IL34: variants seen among roughly 807,000 people sequenced by gnomAD.
IL34 encodes interleukin 34, also known as interleukin-34.
A neutral mutation model predicts 25.3 loss-of-function variants in IL34; 17 were observed. That is an observed-to-expected ratio of 0.67 (90% CI 0.46 to 1.01). IL34 has a LOEUF of 1.01. IL34 is among the 50% of genes least tolerant of loss of function. The pLI is 0.00. For missense variants in IL34, 368 were observed against 312.9 expected (o/e 1.18, Z -1.33); for synonymous variants, 174 against 140.9 (o/e 1.23, Z -1.66).
At chr16:70,622,604 G>A (rs982383304) in intron 1 of IL34, among the ~76,000 whole-genome samples, 1 of 151,970 alleles carries the variant, frequency 6.6e-6, no homozygotes, top group Admixed American at 6.6e-5. Flanking sequence ...TTGGGGAAAT[G>A]GGGTTAATGT....
At chr16:70,580,795 AAT>A (rs1212862125) in intron 1 of IL34, among the ~76,000 whole-genome samples, 1 of 152,090 alleles carries the variant, frequency 6.6e-6, no homozygotes, top group African/African-American at 2.4e-5. Flanking sequence ...AAAAAAAAAA[AAT>A]TAATTGATTT....
At chr16:70,598,658 G>A (rs2050860349) in intron 1 of IL34, among the ~76,000 whole-genome samples, 3 of 152,130 alleles carry the variant, frequency 2.0e-5, no homozygotes, top group South Asian at 4.1e-4. Flanking sequence ...AGAATCGCTT[G>A]AACCCAGGAC....
intron 1 of IL34, among the ~76,000 whole-genome samples, chr16:70,617,206 A>C (rs2051186505): frequency 6.6e-6 from 1 of 152,160 alleles, no homozygotes; most frequent in Non-Finnish European, 1.5e-5. Flanking sequence ...GGAATAAGAG[A>C]AGGAGAAAAA....
rs1195224912 is a variant in IL34 at position 70,594,935 on chromosome 16, A to ATC, written c.-401+14906_-401+14907dup. 1.8e-3 allele frequency among the ~76,000 whole-genome samples: 262 copies of ATC among 145,282 alleles called. 4 individuals carry two copies. Among genetic ancestry groups the ATC allele is most frequent in the Middle Eastern group, 7.4e-3 (2 of 272 alleles). ...TTTCCAGGTGGCTGCATTTCAATTT[A>ATC]TCTCTCTCTCTCTCTCTCTCTTTTT... On this transcript the variant is annotated intron_variant, in intron 1 of 6. Transcript: ENST00000429149.
intron 1 of IL34, among the ~76,000 whole-genome samples, chr16:70,636,143 A>G (rs901277094): frequency 2.1e-4 from 32 of 151,832 alleles, no homozygotes; most frequent in African/African-American, 7.5e-4. Flanking sequence ...GGTTCAAGTA[A>G]TTCTCTTGCC....
intron 1 of IL34, among the ~76,000 whole-genome samples, chr16:70,634,010 C>G (rs1037534976): frequency 6.6e-6 from 1 of 152,028 alleles, no homozygotes; most frequent in Non-Finnish European, 1.5e-5. Context: ...ACCACCACGC[C>G]CAGCTAATTT....
At chr16:70,637,310 G>A (rs1208007752) in intron 1 of IL34, among the ~76,000 whole-genome samples, 1 of 152,096 alleles carries the variant, frequency 6.6e-6, no homozygotes, top group Non-Finnish European at 1.5e-5. Context: ...TGTCCTAGAA[G>A]TTTTAGGTTT....
chr16:70,632,684 G>A (rs1447565319), intron 1 of IL34, among the ~76,000 whole-genome samples: 2 of 152,102 alleles, frequency 1.3e-5, no homozygotes, highest in African/African-American at 2.4e-5. Flanking sequence ...AGTGAAGGGG[G>A]TATTTTTGCT....
intron 1 of IL34, among the ~76,000 whole-genome samples, chr16:70,650,044 C>T (rs1365726164): frequency 6.6e-6 from 1 of 152,150 alleles, no homozygotes; most frequent in Non-Finnish European, 1.5e-5. Context: ...GGTGATCCGC[C>T]CACCTCGGCC....
chr16:70,581,804 C>T (rs541196100), intron 1 of IL34, among the ~76,000 whole-genome samples: 29 of 152,160 alleles, frequency 1.9e-4, no homozygotes, highest in Admixed American at 1.4e-3. Context: ...TGTTAGGGGC[C>T]GGACATGGTG....
intron 1 of IL34, among the ~76,000 whole-genome samples, chr16:70,629,737 A>G (rs778429990): frequency 8.6e-5 from 13 of 151,950 alleles, no homozygotes; most frequent in Non-Finnish European, 1.9e-4. Context: ...TTGTGCGTAC[A>G]TAGTAGATAT....
At chr16:70,607,141 G>A (rs773006127) in intron 1 of IL34, among the ~76,000 whole-genome samples, 10 of 152,094 alleles carry the variant, frequency 6.6e-5, no homozygotes, top group South Asian at 2.1e-4. Context: ...TCGCTCAGTC[G>A]CCCAGGCTGG....
chr16:70,654,595 TG>T lies in IL34; in HGVS notation c.87del (p.Thr30ArgfsTer25). On this transcript the variant is annotated frameshift_variant, in exon 2 of 6. Transcript: ENST00000288098. LOFTEE classifies it high-confidence loss of function. The stretch of plus-strand genomic sequence containing the variant: ...AATGAGCCTTTGGAGATGTGGCCCT[TG>T]ACGCAGAATGAGGAGTGCACTGTCA... Reference protein sequence around the residue: ...LGNEPLEMWPLTQNEECTVTG... With the variant: ...LGNEPLEMWPXTQNEECTVTG... 2 of 1,613,752 alleles carry T rather than the reference TG, an allele frequency of 1.2e-6. No homozygotes were observed. The highest frequency in any genetic ancestry group is 1.7e-6 in the Non-Finnish European group (2 of 1,179,738).
rs115291373 is a variant in IL34 at position 70,635,822 on chromosome 16, A to G, written c.-400-10726A>G. The stretch of plus-strand genomic sequence containing the variant: ...GTAATTATAACAATAGCAAATACCA[A>G]GATAGCATGTACTGTATGCCAGCTC... On this transcript the variant is annotated intron_variant, in intron 1 of 6. Coordinates refer to the IL34 transcript ENST00000429149. Among the ~76,000 whole-genome samples, 744 of 152,266 alleles carry G rather than the reference A, an allele frequency of 4.9e-3. 8 individuals are homozygous for G. Among genetic ancestry groups the G allele is most frequent in the African/African-American group, 0.017 (722 of 41,534 alleles).
At chr16:70,635,637 G>A (rs2051624809) in intron 1 of IL34, among the ~76,000 whole-genome samples, 1 of 152,062 alleles carries the variant, frequency 6.6e-6, no homozygotes, top group African/African-American at 2.4e-5. Context: ...TCCCACGCTG[G>A]GTTTCTTTCT....
intron 1 of IL34, among the ~76,000 whole-genome samples, chr16:70,588,582 T>C (rs1266607757): frequency 6.6e-6 from 1 of 150,942 alleles, no homozygotes; most frequent in Non-Finnish European, 1.5e-5. Context: ...AAAAGCAGAG[T>C]CTCAAAGAGA....
chr16:70,615,411 G>T (rs953480713), intron 1 of IL34, among the ~76,000 whole-genome samples: 2 of 152,070 alleles, frequency 1.3e-5, no homozygotes, highest in Non-Finnish European at 2.9e-5. Flanking sequence ...GGAGGTTGAG[G>T]CAGGAGAATT....
Position 70,656,978 on chromosome 16 carries a change from G to T in IL34, c.259G>T (p.Glu87Ter), listed in dbSNP as rs760301983. The T allele has an allele frequency of 6.2e-7, 1 of 1,610,032 alleles. No homozygotes were observed. Among genetic ancestry groups the T allele is most frequent in the Non-Finnish European group, 8.5e-7 (1 of 1,178,528 alleles). Residue 87 changes from glutamate (E) to a stop codon, truncating the protein, a stop_gained, in exon 4 of 6, where the codon GAG (glutamate) becomes TAG (stop). Coordinates refer to ENST00000288098, the MANE Select transcript of IL34 (RefSeq NM_001393494.1). LOFTEE classifies it high-confidence loss of function. The part of the protein sequence containing the change: ...VTRLQRAQVS[E>*]RELRYLWVLV... ...TCCGCAGCAGAGGGCCCAGGTGAGCGAGCGGGAGCTGCGGTATCTGTGGGT... is the reference window on the plus strand; with the variant it reads ...TCCGCAGCAGAGGGCCCAGGTGAGCTAGCGGGAGCTGCGGTATCTGTGGGT...
At chr16:70,612,338 G>GGGGCTA (rs1372751297) in intron 1 of IL34, among the ~76,000 whole-genome samples, 1 of 152,182 alleles carries the variant, frequency 6.6e-6, no homozygotes, top group Non-Finnish European at 1.5e-5. Flanking sequence ...CTGGGGGCTA[G>GGGGCTA]GGGGATCTGC....
Sources: allele counts gnomAD v4.1 joint callset (sites outside exome capture counted in the v4.1 genomes callset), GRCh38; gene constraint gnomAD v4.1.1; transcripts MANE v1.5; gene names NCBI Gene and HGNC (gene_info 2026-07-23, HGNC 2026-07-21).